IMMT: variants seen among roughly 807,000 people sequenced by gnomAD.
The protein encoded by IMMT is inner membrane mitochondrial protein.
Under a neutral mutation model 92.7 loss-of-function variants are expected in IMMT, and 40 were observed. The ratio of observed to expected loss-of-function variants is 0.43; its 90% confidence interval spans 0.34 to 0.56. The LOEUF (loss-of-function observed/expected upper bound fraction) is 0.56. Among genes scored for constraint, IMMT ranks in the 20% least tolerant of loss-of-function variants. The pLI is 0.03. For missense variants in IMMT, 831 were observed against 912.1 expected, an observed-to-expected ratio of 0.91 and a Z score of 1.14; for synonymous variants, 322 against 336.1, an observed-to-expected ratio of 0.96 and a Z score of 0.46.
intron 6 of IMMT, among the ~76,000 whole-genome samples, chr2:86,167,088 A>ACT (rs527801889): frequency 2.1e-4 from 30 of 143,082 alleles, no homozygotes; most frequent in East Asian, 4.2e-4. Flanking sequence ...ACAGAGCGAG[A>ACT]CTCTCTCAAA....
intron 4 of IMMT, chr2:86,173,368 A>C: frequency 3.0e-6 from 1 of 332,406 alleles, no homozygotes; most frequent in South Asian, 2.6e-5. Context: ...ATCACCTGAG[A>C]GCGGGAGTTT....
chr2:86,159,943 T>G (rs1676150167), intron 8 of IMMT: 1 of 231,580 alleles, frequency 4.3e-6, no homozygotes, highest in Non-Finnish European at 8.2e-6. Flanking sequence ...ATTGCTTTTT[T>G]TTTTCTTTTT....
At chr2:86,190,763 G>A (rs1344499227) in intron 1 of IMMT, among the ~76,000 whole-genome samples, 2 of 152,224 alleles carry the variant, frequency 1.3e-5, no homozygotes, top group Non-Finnish European at 2.9e-5. Context: ...CCCAAGGCGG[G>A]CAGATCACGA....
chr2:86,155,109 C>T (rs750150314), intron 10 of IMMT, among the ~76,000 whole-genome samples: 8 of 152,026 alleles, frequency 5.3e-5, no homozygotes, highest in Admixed American at 1.3e-4. Context: ...GCAATCCACC[C>T]ACCTCAGCCT....
intron 7 of IMMT, among the ~76,000 whole-genome samples, chr2:86,162,776 G>A (rs895037025): frequency 2.0e-5 from 3 of 152,060 alleles, no homozygotes; most frequent in Non-Finnish European, 4.4e-5. Context: ...TACAGGAGGC[G>A]GAGGTTGCAG....
chr2:86,163,119 T>C (rs1427555291), intron 7 of IMMT, among the ~76,000 whole-genome samples: 1 of 151,738 alleles, frequency 6.6e-6, no homozygotes, highest in Non-Finnish European at 1.5e-5. Flanking sequence ...CCCAGTTGTT[T>C]GAGACCAGCC....
chr2:86,162,959 A>C (rs1293708647), intron 7 of IMMT, among the ~76,000 whole-genome samples: 1 of 152,192 alleles, frequency 6.6e-6, no homozygotes, highest in East Asian at 1.9e-4. Context: ...ATATAATATT[A>C]GGAAGAAAAC....
At chr2:86,149,468 T>A (rs185344703) in intron 12 of IMMT, among the ~76,000 whole-genome samples, 40 of 152,322 alleles carry the variant, frequency 2.6e-4, no homozygotes, top group Non-Finnish European at 7.3e-5. Context: ...TAGTGTCTGA[T>A]TCGACTATGT....
intron 1 of IMMT, among the ~76,000 whole-genome samples, chr2:86,186,259 G>C (rs1672760895): frequency 6.6e-6 from 1 of 152,200 alleles, no homozygotes. Context: ...GAGTCTTGGA[G>C]AAGGTTGTGA....
At position 86,183,689 on chromosome 2, in the gene IMMT, A is replaced by G. The variant is rs188548908; in HGVS notation, c.46-2317T>C. Among the ~76,000 whole-genome samples, 588 of 152,276 alleles carry G rather than the reference A, an allele frequency of 3.9e-3. 1 individual carries two copies. The highest frequency in any genetic ancestry group is 6.7e-3 in the Non-Finnish European group (457 of 68,024). Reference sequence around the variant, plus strand: ...AACTGACACTGTCAGTTTCTTATTTATCCAGAGACATTTTATGTATATTTA... The same window carrying G: ...AACTGACACTGTCAGTTTCTTATTTGTCCAGAGACATTTTATGTATATTTA... On this transcript the variant is annotated intron_variant, in intron 1 of 14. Coordinates refer to ENST00000410111, the MANE Select transcript of IMMT (RefSeq NM_006839.3).
At chr2:86,155,544 C>T (rs1675798365) in intron 10 of IMMT, among the ~76,000 whole-genome samples, 1 of 152,190 alleles carries the variant, frequency 6.6e-6, no homozygotes, top group Non-Finnish European at 1.5e-5. Flanking sequence ...GCACTTAGAA[C>T]TCAGTGCCCG....
chr2:86,179,954 C>G (rs565367700), intron 2 of IMMT, among the ~76,000 whole-genome samples: 1 of 152,000 alleles, frequency 6.6e-6, no homozygotes, highest in South Asian at 2.1e-4. Context: ...TGTAGTAGCA[C>G]GTGCCCCAGC....
At chr2:86,170,896 T>A (rs1558828895) in intron 5 of IMMT, 52 bp from the exon 6 acceptor site, 1 of 1,325,540 alleles carries the variant, frequency 7.5e-7, no homozygotes, top group African/African-American at 1.5e-5. Context: ...AGAATTTTAA[T>A]AGCTAACAGG....
chr2:86,166,637 G>C lies in IMMT; in HGVS notation c.663C>G (p.Ala221=). 1 of 1,590,300 alleles carries C rather than the reference G, an allele frequency of 6.3e-7. No homozygotes were observed. The highest frequency in any genetic ancestry group is 8.5e-7 in the Non-Finnish European group (1 of 1,172,694). The change falls in exon 7 of 15, where the codon GCC becomes GCG. Residue 221 remains alanine (A), a synonymous_variant. Coordinates refer to ENST00000410111, the MANE Select transcript of IMMT (RefSeq NM_006839.3). ...KQEQVKIESL[A]KSLEDALRQT... is the part of the protein sequence containing the mutation. ...GCCTCAGAGCATCTTCTAAGCTCTT[G>C]GCTAGAGCTTAAAAAAAAAAAAGAA...
Position 86,151,311 on chromosome 2 carries a change from C to T in IMMT, c.1387G>A (p.Glu463Lys), listed in dbSNP as rs1327594106. The change falls in exon 12 of 15, where the codon GAA (glutamate) becomes AAA (lysine). Residue 463 changes from glutamate to lysine, a missense_variant. By Grantham distance (56) the Glu-to-Lys change is moderately conservative (BLOSUM62 1). Coordinates refer to ENST00000410111, the MANE Select transcript of IMMT (RefSeq NM_006839.3). ...ATTTCTCTTACCTTTCTGTCCTGTT[C>T]AGCCTGTATTTCACTTCTGTGATGT... ...LEHHRSEIQA[E>K]QDRKIEEVRD... 6.2e-7 allele frequency: 1 copy of T among 1,611,928 alleles called. No homozygotes were observed. Among genetic ancestry groups the T allele is most frequent in the South Asian group, 1.1e-5 (1 of 91,052 alleles).
chr2:86,159,540 T>C lies in IMMT; in HGVS notation c.1028A>G (p.Lys343Arg). 1 of 1,596,238 alleles carries C rather than the reference T, an allele frequency of 6.3e-7. No homozygotes were observed. Reference sequence around the variant, plus strand: ...TATAAGACTTAGGAAACATACCTTTTTGACCACATTATCCAGATCAACTAT... The same window carrying C: ...TATAAGACTTAGGAAACATACCTTTCTGACCACATTATCCAGATCAACTAT... ...NMIVDLDNVV[K>R]KVQAAQSEAK... The change falls in exon 9 of 15, where the codon AAA becomes AGA. Residue 343 changes from lysine (K) to arginine (R), a missense_variant. Physicochemically the swap from Lys to Arg is conservative, Grantham distance 26. Transcript: ENST00000410111.
At chr2:86,168,934 C>A (rs1676907225) in intron 6 of IMMT, among the ~76,000 whole-genome samples, 1 of 152,202 alleles carries the variant, frequency 6.6e-6, no homozygotes, top group South Asian at 2.1e-4. Context: ...ACATCAAGTA[C>A]AGGCAGTTGT....
rs1163472844 is a variant in IMMT at position 86,167,172 on chromosome 2, C to CTT, written c.656-530_656-529dup. Among the ~76,000 whole-genome samples the CTT allele has an allele frequency of 2.4e-4, 30 of 126,010 alleles. 3 individuals carry two copies. Among genetic ancestry groups the CTT allele is most frequent in the African/African-American group, 3.9e-4 (13 of 33,316 alleles). 82.7% of individuals were successfully genotyped at this position (126,010 alleles called of 152,430 possible). A position where few individuals can be genotyped will look rare whatever the true frequency, so the allele number is the denominator to read the frequency against. ...AAATCTATGAAGCTTTATTACACTT[C>CTT]TTTTTTTTTTTTTTTTTGAGACAGA... On this transcript the variant is annotated intron_variant, in intron 6 of 14. Coordinates refer to ENST00000410111, the MANE Select transcript of IMMT (RefSeq NM_006839.3).
At chr2:86,161,512 CTTTTTTTTTT>C (rs35243118) in intron 8 of IMMT, among the ~76,000 whole-genome samples, 14 of 108,456 alleles carry the variant, frequency 1.3e-4, no homozygotes, top group Non-Finnish European at 2.5e-4. Flanking sequence ...GTACAAATTC[CTTTTTTTTTT>C]TTTTTTTTTG....
Sources: allele counts gnomAD v4.1 joint callset (sites outside exome capture counted in the v4.1 genomes callset), GRCh38; gene constraint gnomAD v4.1.1; transcripts MANE v1.5; gene names NCBI Gene and HGNC (gene_info 2026-07-23, HGNC 2026-07-21).